The following PCDH15 variants were observed in gnomAD, a reference collection of about 807,000 sequenced individuals.
The protein encoded by PCDH15 is protocadherin-15.
PCDH15 carries 129 observed loss-of-function variants against 178.5 expected under a neutral mutation model. The observed-to-expected ratio is 0.72, with a 90% confidence interval of 0.63 to 0.84. The LOEUF (loss-of-function observed/expected upper bound fraction) is 0.84. Among genes scored for constraint, PCDH15 ranks in the 40% least tolerant of loss-of-function variants. The pLI, the probability that PCDH15 is intolerant of heterozygous loss-of-function variation, is 0.00. For missense variants in PCDH15, 2,230 were observed against 2,099.9 expected, an observed-to-expected ratio of 1.06 and a Z score of -1.21; for synonymous variants, 800 against 732.0, an observed-to-expected ratio of 1.09 and a Z score of -1.50.
At chr10:53,863,237 G>T (rs1221942428) in intron 27 of PCDH15, among the ~76,000 whole-genome samples, 1 of 152,104 alleles carries the variant, frequency 6.6e-6, no homozygotes, top group Non-Finnish European at 1.5e-5. Context: ...GTCAGTGAGT[G>T]CAGATAGAAA....
chr10:54,046,123 C>T (rs538086199), intron 18 of PCDH15, among the ~76,000 whole-genome samples: 1 of 152,200 alleles, frequency 6.6e-6, no homozygotes, highest in South Asian at 2.1e-4. Context: ...ATGCTAATCA[C>T]GATCATAATG....
At chr10:54,461,321 C>T (rs2077152161) in intron 3 of PCDH15, among the ~76,000 whole-genome samples, 1 of 152,076 alleles carries the variant, frequency 6.6e-6, no homozygotes. Flanking sequence ...CTTTCATGTA[C>T]AGCAGATCAT....
intron 32 of PCDH15, among the ~76,000 whole-genome samples, chr10:53,824,184 C>A (rs901855058): frequency 6.6e-6 from 1 of 151,930 alleles, no homozygotes; most frequent in African/African-American, 2.4e-5. Context: ...GAAAGGCTTA[C>A]TTATGCACGG....
At chr10:54,562,665 C>T (rs1281388595) in intron 2 of PCDH15, among the ~76,000 whole-genome samples, 2 of 152,064 alleles carry the variant, frequency 1.3e-5, no homozygotes, top group Admixed American at 6.6e-5. Flanking sequence ...ATAGCACATG[C>T]TTCATATATA....
At chr10:55,533,982 A>G (rs996139842) in intron 2 of PCDH15, among the ~76,000 whole-genome samples, 1 of 152,134 alleles carries the variant, frequency 6.6e-6, no homozygotes, top group Non-Finnish European at 1.5e-5. Context: ...GCAATGGGGA[A>G]TGGACTCCCT....
chr10:54,412,585 C>T (rs1253939311), intron 3 of PCDH15, among the ~76,000 whole-genome samples: 2 of 152,128 alleles, frequency 1.3e-5, no homozygotes, highest in East Asian at 1.9e-4. Context: ...CAGGTTCTAA[C>T]TTCTATTGTC....
At chr10:55,090,214 A>G (rs1842281074) in intron 2 of PCDH15, among the ~76,000 whole-genome samples, 1 of 152,072 alleles carries the variant, frequency 6.6e-6, no homozygotes, top group Non-Finnish European at 1.5e-5. Context: ...GTTATCAAAG[A>G]AAAGCATTAA....
chr10:54,578,822 A>C (rs189479086), intron 2 of PCDH15, among the ~76,000 whole-genome samples: 1 of 152,288 alleles, frequency 6.6e-6, no homozygotes, highest in East Asian at 1.9e-4. Flanking sequence ...AAATCTTGCA[A>C]GCCAGAAGGG....
At chr10:54,441,411 T>C (rs1211215177) in intron 3 of PCDH15, among the ~76,000 whole-genome samples, 1 of 151,934 alleles carries the variant, frequency 6.6e-6, no homozygotes, top group African/African-American at 2.4e-5. Flanking sequence ...AGAATGTCCA[T>C]GAGTCAGCTC....
chr10:55,062,069 AC>A (rs1205813614), intron 2 of PCDH15, among the ~76,000 whole-genome samples: 2 of 152,174 alleles, frequency 1.3e-5, no homozygotes, highest in Admixed American at 6.6e-5. Flanking sequence ...GAAATTAGCT[AC>A]TAAGCTGCAA....
chr10:54,802,241 C>T (rs1952684403), upstream of PCDH15, among the ~76,000 whole-genome samples: 1 of 152,078 alleles, frequency 6.6e-6, no homozygotes, highest in African/African-American at 2.4e-5. Context: ...GAAATGTTGC[C>T]GTATTTATGC....
chr10:54,416,985 ATTTG>A (rs1451408967), intron 3 of PCDH15, among the ~76,000 whole-genome samples: 1 of 151,954 alleles, frequency 6.6e-6, no homozygotes, highest in Non-Finnish European at 1.5e-5. Flanking sequence ...TTTCTTGTAA[ATTTG>A]TTTAAGCTCC....
intron 1 of PCDH15, among the ~76,000 whole-genome samples, chr10:55,210,262 A>G (rs1840523163): frequency 6.6e-6 from 1 of 152,084 alleles, no homozygotes; most frequent in Non-Finnish European, 1.5e-5. Context: ...CACGAATAAC[A>G]GAAAATTAAA....
At chr10:54,623,540 G>C (rs957102628) in intron 2 of PCDH15, among the ~76,000 whole-genome samples, 33 of 151,910 alleles carry the variant, frequency 2.2e-4, no homozygotes, top group Admixed American at 7.9e-4. Flanking sequence ...GATTGTTATT[G>C]TTATTTTTAC....
chr10:54,195,555 TA>T, intron 11 of PCDH15, 127 bp downstream of exon 11: 1 of 772,964 alleles, frequency 1.3e-6, no homozygotes. Context: ...ATTATAACAC[TA>T]AAACTCACTT....
At chr10:54,244,586 C>G (rs1009672244) in intron 8 of PCDH15, among the ~76,000 whole-genome samples, 1 of 152,194 alleles carries the variant, frequency 6.6e-6, no homozygotes, top group Admixed American at 6.5e-5. Flanking sequence ...CCACATAACT[C>G]AAACCTGAGA....
intron 2 of PCDH15, among the ~76,000 whole-genome samples, chr10:55,625,969 G>C (rs189263378): frequency 3.1e-4 from 47 of 152,166 alleles, no homozygotes; most frequent in African/African-American, 1.1e-3. Context: ...GGCATACGTA[G>C]TATATACCCA....
At chr10:54,744,561 T>C (rs1235650344) in intron 1 of PCDH15, among the ~76,000 whole-genome samples, 2 of 152,152 alleles carry the variant, frequency 1.3e-5, no homozygotes, top group African/African-American at 4.8e-5. Flanking sequence ...CTTTTTCTTA[T>C]ATATGTTAAT....
chr10:53,808,533 C>T lies in PCDH15; in HGVS notation c.4672-1403G>A. On this transcript the variant is annotated intron_variant, in intron 37 of 37. Transcript: ENST00000644397. ...AGTCTAATATACAAATGGATTTGGA[C>T]AACATATATATTCACTTTTCTGGCA... The T allele has an allele frequency of 2.1e-6, 3 of 1,432,614 alleles. No individual in the cohort carries two copies. The South Asian group carries it at 4.6e-5, about 22-fold the overall frequency. The allele number at this position is 1,432,614 out of a possible 1,614,324, so 88.7% of individuals were successfully genotyped here. A position where few individuals can be genotyped will look rare whatever the true frequency, so the allele number is the denominator to read the frequency against.
Sources: gnomAD v4.1 joint callset for allele counts (sites outside exome capture counted in the v4.1 genomes callset) on GRCh38, gnomAD v4.1.1 for gene constraint, MANE v1.5 for transcripts, NCBI Gene and HGNC (gene_info 2026-07-23, HGNC 2026-07-21) for gene names.